Variants in WWC1 observed in about 807,000 individuals in gnomAD.
WWC1 encodes protein KIBRA.
In WWC1, 55 loss-of-function variants were observed where a neutral mutation model predicts 138.4. The observed-to-expected ratio is 0.40, with a 90% CI of 0.32 to 0.50. The LOEUF is 0.50. Ranked by LOEUF, WWC1 falls within the 20% of genes least tolerant of loss-of-function variation. WWC1 has a pLI of 0.72. For synonymous variants in WWC1, 524 were observed against 564.9 expected (o/e 0.93, Z 1.03); for missense variants, 1,226 against 1,420.4 (o/e 0.86, Z 2.20).
chr5:168,454,642 C>T (rs1032982395), intron 18 of WWC1, among the ~76,000 whole-genome samples: 1 of 152,190 alleles, frequency 6.6e-6, no homozygotes, highest in South Asian at 2.1e-4. Flanking sequence ...GAGCACCTGC[C>T]GTGTTTGAGC....
intron 15 of WWC1, among the ~76,000 whole-genome samples, chr5:168,434,975 C>G (rs1405370467): frequency 1.3e-5 from 2 of 152,160 alleles, no homozygotes; most frequent in African/African-American, 4.8e-5. Context: ...GAACTCTCCA[C>G]CCCCTCCTCT....
chr5:168,419,659 ACAGG>A (rs1270051893), intron 9 of WWC1, among the ~76,000 whole-genome samples: 2 of 152,234 alleles, frequency 1.3e-5, no homozygotes, highest in Non-Finnish European at 2.9e-5. Context: ...TCTGTGGGCC[ACAGG>A]CGGAGAAAGA....
intron 2 of WWC1, among the ~76,000 whole-genome samples, chr5:168,377,180 A>G (rs1302023974): frequency 1.3e-5 from 2 of 152,230 alleles, no homozygotes; most frequent in African/African-American, 4.8e-5. Context: ...GCAGTGGGGA[A>G]AGGACTTCCT....
chr5:168,367,664 G>A (rs1274894770), intron 1 of WWC1, among the ~76,000 whole-genome samples: 2 of 152,118 alleles, frequency 1.3e-5, no homozygotes, highest in African/African-American at 2.4e-5. Flanking sequence ...TTGGAATCTG[G>A]CAGTGGAACT....
chr5:168,372,524 C>T lies in WWC1; in HGVS notation c.229+991C>T, dbSNP rs1776840582. ...CCTAATAGCCTCTGTTTACTGAGCA[C>T]ACAGTCTGTGCCGTGTCCTGTGCTG... is the stretch of plus-strand genomic sequence containing the variant. On this transcript the variant is annotated intron_variant, in intron 2 of 22. Coordinates refer to ENST00000265293, the MANE Select transcript of WWC1 (RefSeq NM_015238.3). 3.9e-5 allele frequency among the ~76,000 whole-genome samples: 6 copies of T among 152,214 alleles called. No individual in the cohort carries two copies. In the South Asian group the frequency reaches 1.0e-3, roughly 26 times the overall value.
rs986749705 is a variant in WWC1 at position 168,292,437 on chromosome 5, T to C, written c.119+166T>C. Reference sequence around the variant, plus strand: ...TCCCCCCAACCTTCTGGAGCGCTGCTCCCGCCTCAGTGGGCCACCGAGAGG... The same window carrying C: ...TCCCCCCAACCTTCTGGAGCGCTGCCCCCGCCTCAGTGGGCCACCGAGAGG... On this transcript the variant is annotated intron_variant, in intron 1 of 22. Coordinates refer to ENST00000265293, the MANE Select transcript of WWC1 (RefSeq NM_015238.3). This position sits in a 1 kb window ranked among gnomAD's most constrained non-coding sequence, Gnocchi z 4.4. Among the ~76,000 whole-genome samples the C allele has an allele frequency of 6.6e-6, 1 of 151,774 alleles. No homozygotes were observed. Among genetic ancestry groups the C allele is most frequent in the Non-Finnish European group, 1.5e-5 (1 of 67,906 alleles).
At chr5:168,430,308 C>A in intron 14 of WWC1, 85 bp downstream of exon 14, 3 of 1,116,678 alleles carry the variant, frequency 2.7e-6, no homozygotes, top group South Asian at 2.8e-5. Flanking sequence ...CTGTCCTGAT[C>A]CAGTTATGGG....
At chr5:168,363,735 C>A (rs1438430019) in intron 1 of WWC1, among the ~76,000 whole-genome samples, 1 of 152,022 alleles carries the variant, frequency 6.6e-6, no homozygotes. Context: ...GTCAGCACAG[C>A]CCATTTTAAC....
At position 168,364,397 on chromosome 5, in the gene WWC1, G is replaced by A. The variant is rs1352501293; in HGVS notation, c.120-7027G>A. 4.6e-5 allele frequency among the ~76,000 whole-genome samples: 7 copies of A among 152,196 alleles called. No individual in the cohort carries two copies. The South Asian group carries it at 1.2e-3, about 27-fold the overall frequency. On this transcript the variant is annotated intron_variant, in intron 1 of 22. Transcript: ENST00000265293. Reference sequence around the variant, plus strand: ...GGCCTTTCGCGTCTATACTGCTGACGTAGCACCTTATTAAATATCCCTGCA... The same window carrying A: ...GGCCTTTCGCGTCTATACTGCTGACATAGCACCTTATTAAATATCCCTGCA...
intron 2 of WWC1, among the ~76,000 whole-genome samples, chr5:168,382,408 C>G (rs956425824): frequency 6.6e-6 from 1 of 152,226 alleles, no homozygotes; most frequent in Non-Finnish European, 1.5e-5. Context: ...ATTTCACAAA[C>G]TTGTCATGGT....
At chr5:168,395,508 T>C (rs1469823976) in intron 3 of WWC1, among the ~76,000 whole-genome samples, 1 of 152,260 alleles carries the variant, frequency 6.6e-6, no homozygotes, top group African/African-American at 2.4e-5. Context: ...AAGGTCATTT[T>C]ATTATAACAT....
At chr5:168,431,831 AG>A (rs772882404) in intron 15 of WWC1, among the ~76,000 whole-genome samples, 3 of 152,186 alleles carry the variant, frequency 2.0e-5, no homozygotes, top group Non-Finnish European at 4.4e-5. Context: ...ACCCTTTGGG[AG>A]GCCAAGGCCA....
intron 20 of WWC1, among the ~76,000 whole-genome samples, chr5:168,461,247 G>A (rs1457359469): frequency 2.6e-5 from 4 of 151,452 alleles, no homozygotes; most frequent in African/African-American, 7.3e-5. Flanking sequence ...CAGGAGAATC[G>A]CTTAAACGCA....
At chr5:168,372,044 A>ATGTTTGT (rs1776793945) in intron 2 of WWC1, among the ~76,000 whole-genome samples, 1 of 116,286 alleles carries the variant, frequency 8.6e-6, no homozygotes, top group Non-Finnish European at 1.9e-5. Flanking sequence ...AGAGAGAGAA[A>ATGTTTGT]GAGTGTGTTT....
intron 3 of WWC1, among the ~76,000 whole-genome samples, chr5:168,395,546 A>G (rs1052467085): frequency 2.0e-5 from 3 of 152,232 alleles, no homozygotes; most frequent in Admixed American, 6.5e-5. Context: ...CCCACACTGT[A>G]TGCTTAAGGT....
chr5:168,451,447 G>A (rs967120392), intron 17 of WWC1, among the ~76,000 whole-genome samples: 1 of 152,190 alleles, frequency 6.6e-6, no homozygotes, highest in Non-Finnish European at 1.5e-5. Context: ...GCTTACACCA[G>A]TAATGTTCAC....
intron 5 of WWC1, among the ~76,000 whole-genome samples, chr5:168,401,818 G>C (rs1020137740): frequency 6.6e-6 from 1 of 152,072 alleles, no homozygotes; most frequent in Admixed American, 6.6e-5. Flanking sequence ...ATGCTTCTTG[G>C]TAATCTTCAG....
At position 168,297,338 on chromosome 5, in the gene WWC1, G is replaced by A. The variant is rs1057492524; in HGVS notation, c.119+5067G>A. Among the ~76,000 whole-genome samples the A allele has an allele frequency of 9.7e-4, 148 of 152,266 alleles. 1 individual carries two copies. The highest frequency in any genetic ancestry group is 3.5e-3 in the African/African-American group (144 of 41,550). Reference sequence around the variant, plus strand: ...GGCCTCTCATTTCACTGATGAAATTGAGAACCAGCCTGGTGCGGTGGCTCA... The same window carrying A: ...GGCCTCTCATTTCACTGATGAAATTAAGAACCAGCCTGGTGCGGTGGCTCA... On this transcript the variant is annotated intron_variant, in intron 1 of 22. Coordinates refer to ENST00000265293, the MANE Select transcript of WWC1 (RefSeq NM_015238.3).
intron 7 of WWC1, among the ~76,000 whole-genome samples, 200 bp from the exon 8 acceptor site, chr5:168,409,722 C>A (rs749371962): frequency 7.9e-5 from 12 of 152,202 alleles, no homozygotes; most frequent in South Asian, 4.1e-4. Context: ...TCTGAGCGTA[C>A]GGTTCTTCCC....
Sources: allele counts gnomAD v4.1 joint callset (sites outside exome capture counted in the v4.1 genomes callset), GRCh38; gene constraint gnomAD v4.1.1; non-coding constraint Gnocchi (gnomAD v3.1); transcripts MANE v1.5; gene names NCBI Gene and HGNC (gene_info 2026-07-23, HGNC 2026-07-21).